Variants in IGSF21 observed in about 807,000 individuals in gnomAD.
IGSF21 encodes the protein immunoglobin superfamily member 21, also known as immunoglobulin superfamily member 21.
Under a neutral mutation model 46.8 loss-of-function variants are expected in IGSF21, and 28 were observed. The observed-to-expected ratio is 0.60, with a 90% CI of 0.44 to 0.82. The LOEUF is 0.82. Ranked by LOEUF, IGSF21 falls within the 40% of genes least tolerant of loss-of-function variation. IGSF21 has a pLI of 0.00. For missense variants in IGSF21, 624 were observed against 665.5 expected (o/e 0.94, Z 0.69); for synonymous variants, 284 against 273.6 (o/e 1.04, Z -0.38).
chr1:18,257,055 T>C (rs926006332), intron 2 of IGSF21, among the ~76,000 whole-genome samples: 1 of 152,234 alleles, frequency 6.6e-6, no homozygotes, highest in South Asian at 2.1e-4. Flanking sequence ...TGAAAGCTGA[T>C]TTTCTATTTG....
At chr1:18,311,788 G>A (rs781306855) in intron 3 of IGSF21, among the ~76,000 whole-genome samples, 52 of 152,232 alleles carry the variant, frequency 3.4e-4, no homozygotes, top group African/African-American at 8.9e-4. Context: ...TAAAACCATC[G>A]GATCATGTGA....
chr1:18,365,240 T>A lies in IGSF21; in HGVS notation c.558T>A (p.Asp186Glu). 1 of 1,603,114 alleles carries A rather than the reference T, an allele frequency of 6.2e-7. No homozygotes were observed. ...AATGGCAGGTTTATTTCAAACGAGATGGGGAACCAATCGACGCAGTGCCCC... is the reference window on the plus strand; with the variant it reads ...AATGGCAGGTTTATTTCAAACGAGAAGGGGAACCAATCGACGCAGTGCCCC... ...KPAPMVYFKR[D>E]GEPIDAVPLS... The change falls in exon 6 of 10, where the codon GAT becomes GAA. Residue 186 changes from aspartate (D) to glutamate (E), a missense_variant. Physicochemically the swap from Asp to Glu is conservative, Grantham distance 45. Coordinates refer to ENST00000251296, the MANE Select transcript of IGSF21 (RefSeq NM_032880.5). This position sits in a 1 kb window ranked among gnomAD's most constrained non-coding sequence, Gnocchi z 4.8.
intron 1 of IGSF21, among the ~76,000 whole-genome samples, chr1:18,200,534 C>A (rs944677515): frequency 8.5e-5 from 13 of 152,166 alleles, no homozygotes; most frequent in Non-Finnish European, 1.6e-4. Flanking sequence ...GCCTGCATCC[C>A]TCCGGTCTCT....
chr1:18,335,411 C>T lies in IGSF21; in HGVS notation c.424+401C>T, dbSNP rs74993640. Among the ~76,000 whole-genome samples the T allele has an allele frequency of 0.035, 5,299 of 152,274 alleles. 316 individuals are homozygous for T. The highest frequency in any genetic ancestry group is 0.12 in the African/African-American group (4,948 of 41,526). On this transcript the variant is annotated intron_variant, in intron 4 of 9. Coordinates refer to ENST00000251296, the MANE Select transcript of IGSF21 (RefSeq NM_032880.5). This position sits in a 1 kb window ranked among gnomAD's most constrained non-coding sequence, Gnocchi z 4.8. The stretch of plus-strand genomic sequence containing the variant: ...TAGGATCTGGAGATGAATTAGAAAG[C>T]GCTCATGGCTGGGATTCAGAGCTCC...
intron 1 of IGSF21, among the ~76,000 whole-genome samples, chr1:18,146,080 C>T (rs1313191364): frequency 6.6e-6 from 1 of 152,098 alleles, no homozygotes; most frequent in African/African-American, 2.4e-5. Flanking sequence ...ATCCTGTTTA[C>T]ATATCCATCT....
intron 3 of IGSF21, among the ~76,000 whole-genome samples, chr1:18,305,123 T>C (rs2085406142): frequency 6.6e-6 from 1 of 152,170 alleles, no homozygotes; most frequent in African/African-American, 2.4e-5. Context: ...GGGCAGAAGA[T>C]GAGTGGTTAA....
chr1:18,291,464 C>A (rs534088332), intron 2 of IGSF21, among the ~76,000 whole-genome samples: 9 of 152,364 alleles, frequency 5.9e-5, no homozygotes, highest in Admixed American at 2.6e-4. Flanking sequence ...CCGGGGACCA[C>A]CGCCTTCAGG....
Position 18,108,174 on chromosome 1 carries a change from G to A in IGSF21, c.46G>A (p.Ala16Thr). The A allele has an allele frequency of 1.4e-6, 2 of 1,447,906 alleles. No individual in the cohort carries two copies. Among genetic ancestry groups the A allele is most frequent in the Admixed American group, 2.5e-5 (1 of 40,134 alleles). The allele number at this position is 1,447,906 out of a possible 1,614,324, so 89.7% of individuals were successfully genotyped here. ...SLRRCVCLLLAAILDLARGYL... is the reference protein window; with the variant it reads ...SLRRCVCLLLTAILDLARGYL... ...CCGCCGCTGCGTCTGCCTGCTGCTC[G>A]CCGCGATCCTGGACCTGGCGCGCGG... The change falls in exon 1 of 10, where the codon GCC (alanine) becomes ACC (threonine). Residue 16 changes from alanine to threonine, a missense_variant. Ala to Thr is a moderately conservative substitution (Grantham distance 58, BLOSUM62 0). Transcript: ENST00000251296.
chr1:18,321,332 C>A (rs1484245635), intron 3 of IGSF21, among the ~76,000 whole-genome samples: 1 of 152,174 alleles, frequency 6.6e-6, no homozygotes, highest in Admixed American at 6.5e-5. Flanking sequence ...ACTCTCTCTC[C>A]AGCCTGAAAG....
At chr1:18,377,058 C>T (rs1362243568) in intron 8 of IGSF21, 66 bp downstream of exon 8, 2 of 1,503,844 alleles carry the variant, frequency 1.3e-6, no homozygotes, top group African/African-American at 1.4e-5. Context: ...GGGAGGTTTC[C>T]CCAGGAGGAA....
At position 18,335,026 on chromosome 1, in the gene IGSF21, C is replaced by G. The variant is rs963071850; in HGVS notation, c.424+16C>G. On this transcript the variant is annotated intron_variant, in intron 4 of 9. Coordinates refer to ENST00000251296, the MANE Select transcript of IGSF21 (RefSeq NM_032880.5). This position sits in a 1 kb window ranked among gnomAD's most constrained non-coding sequence, Gnocchi z 4.8. The stretch of plus-strand genomic sequence containing the variant: ...AACGTCATGGGTGAGTGCAGGGCCA[C>G]TGGCCCCTGGTGTCTCAGTGAGGAG... 5 of 1,579,948 alleles carry G rather than the reference C, an allele frequency of 3.2e-6. No homozygotes were observed. The South Asian group carries it at 5.5e-5, about 17-fold the overall frequency.
chr1:18,279,093 A>G (rs1004745542), intron 2 of IGSF21, among the ~76,000 whole-genome samples: 9 of 152,208 alleles, frequency 5.9e-5, no homozygotes, highest in African/African-American at 1.7e-4. Context: ...AGAGGAGCCC[A>G]TGGGGACGTG....
chr1:18,241,253 G>T (rs2084724914), intron 2 of IGSF21, among the ~76,000 whole-genome samples: 1 of 152,158 alleles, frequency 6.6e-6, no homozygotes, highest in African/African-American at 2.4e-5. Flanking sequence ...GCCTTTCCAT[G>T]GTTCTTAGGA....
At chr1:18,273,052 T>TTTTTTTTTTTTTG in intron 2 of IGSF21, among the ~76,000 whole-genome samples, 1 of 145,930 alleles carries the variant, frequency 6.9e-6, no homozygotes, top group African/African-American at 2.5e-5. Flanking sequence ...TTTTTTTTTT[T>TTTTTTTTTTTTTG]TTTTTTTTTT....
chr1:18,365,867 T>A lies in IGSF21; in HGVS notation c.1015+170T>A, dbSNP rs1044650937. Among the ~76,000 whole-genome samples, 1 of 152,072 alleles carries A rather than the reference T, an allele frequency of 6.6e-6. No individual in the cohort carries two copies. Among genetic ancestry groups the A allele is most frequent in the African/African-American group, 2.4e-5 (1 of 41,398 alleles). On this transcript the variant is annotated intron_variant, in intron 6 of 9. Coordinates refer to ENST00000251296, the MANE Select transcript of IGSF21 (RefSeq NM_032880.5). The surrounding 1 kb of genome is among the most constrained non-coding windows in gnomAD (Gnocchi z 4.8). ...GAGTCAGGTTCTTAGGGAGGTTTGC[T>A]GAGCTGGATTGGAGAAGATGGGAGG...
In IGSF21 at chr1:18,190,698, C is replaced by T. The variant is rs1029271156; in HGVS notation, c.71-37200C>T. On this transcript the variant is annotated intron_variant, in intron 1 of 9. Coordinates refer to ENST00000251296, the MANE Select transcript of IGSF21 (RefSeq NM_032880.5). ...CCTGCAGGGTGCTCAGTGAAAGCCC[C>T]GGGCAGAAGGCTGGCCACTTCTTTA... Among the ~76,000 whole-genome samples the T allele has an allele frequency of 4.6e-5, 7 of 152,214 alleles. No individual in the cohort carries two copies. In the East Asian group the frequency reaches 5.8e-4, roughly 13 times the overall value.
intron 1 of IGSF21, among the ~76,000 whole-genome samples, chr1:18,124,802 CT>C (rs1323611286): frequency 5.3e-5 from 8 of 152,172 alleles, no homozygotes; most frequent in Admixed American, 5.2e-4. Context: ...ATTTAAAGGG[CT>C]TTACTTAAAC....
chr1:18,214,338 A>C (rs1418916348), intron 1 of IGSF21, among the ~76,000 whole-genome samples: 2 of 152,190 alleles, frequency 1.3e-5, no homozygotes, highest in African/African-American at 4.8e-5. Flanking sequence ...CTGGTGGCCC[A>C]GAGCTGAGCT....
At chr1:18,227,369 G>A (rs1054562555) in intron 1 of IGSF21, among the ~76,000 whole-genome samples, 3 of 152,044 alleles carry the variant, frequency 2.0e-5, no homozygotes, top group African/African-American at 7.2e-5. Flanking sequence ...TCCTGGCTGC[G>A]TAGGATGGTG....
Sources: allele counts gnomAD v4.1 joint callset (sites outside exome capture counted in the v4.1 genomes callset), GRCh38; gene constraint gnomAD v4.1.1; non-coding constraint Gnocchi (gnomAD v3.1); transcripts MANE v1.5; gene names NCBI Gene and HGNC (gene_info 2026-07-23, HGNC 2026-07-21).